The following IGF1R variants were observed in gnomAD, a reference collection of about 807,000 sequenced individuals.
IGF1R encodes the protein insulin like growth factor 1 receptor.
Under a neutral mutation model 144.6 loss-of-function variants are expected in IGF1R, and 44 were observed. The ratio of observed to expected loss-of-function variants is 0.30; its 90% CI spans 0.24 to 0.39. IGF1R has a LOEUF of 0.39. Among genes scored for constraint, IGF1R ranks in the 10% least tolerant of loss-of-function variants. IGF1R has a pLI of 1.00. For missense variants in IGF1R, 1,355 were observed against 1,833.7 expected (o/e 0.74, Z 4.77); for synonymous variants, 795 against 722.8 (o/e 1.10, Z -1.60).
chr15:98,890,763 C>A, intron 2 of IGF1R: 1 of 162,420 alleles, frequency 6.2e-6, no homozygotes, highest in Non-Finnish European at 1.4e-5. Context: ...GAGGTAAAAC[C>A]TTTGATATCT....
intron 1 of IGF1R, chr15:98,660,763 C>T (rs2052580582): frequency 6.6e-6 from 1 of 152,190 alleles, no homozygotes; most frequent in Non-Finnish European, 1.5e-5. Context: ...GTGTCAAGAT[C>T]ACCTCATCCC....
intron 1 of IGF1R, among the ~76,000 whole-genome samples, chr15:98,661,552 C>T (rs1462416764): frequency 1.3e-5 from 2 of 152,156 alleles, no homozygotes; most frequent in Non-Finnish European, 2.9e-5. Context: ...AATGCTGAAC[C>T]GGCTGGATGT....
At chr15:98,843,670 C>G (rs1208412272) in intron 2 of IGF1R, among the ~76,000 whole-genome samples, 1 of 152,116 alleles carries the variant, frequency 6.6e-6, no homozygotes. Context: ...AGAAGAAAAA[C>G]TCACCCATTT....
At chr15:98,842,734 C>T (rs556028690) in intron 2 of IGF1R, among the ~76,000 whole-genome samples, 1 of 152,278 alleles carries the variant, frequency 6.6e-6, no homozygotes, top group African/African-American at 2.4e-5. Flanking sequence ...CTTTAAAGAA[C>T]AATTTTGACA....
rs1412467884 is a variant in IGF1R, at chr15:98,962,191, AG to A, written c.*4752del. ...CTTAGCTGTCACGTTGGCTCCTTCCAGGGTGGCCAGACGGTGTTGGCCACTC... is the reference window on the plus strand; with the variant it reads ...CTTAGCTGTCACGTTGGCTCCTTCCAGGTGGCCAGACGGTGTTGGCCACTC... On this transcript the variant is annotated 3_prime_UTR_variant, in exon 21 of 21. Transcript: ENST00000650285. The A allele has an allele frequency of 4.3e-6, 1 of 233,360 alleles. No individual in the cohort carries two copies. The highest frequency in any genetic ancestry group is 8.5e-6 in the Non-Finnish European group (1 of 118,078). The allele number at this position is 233,360 out of a possible 1,614,324, so 14.5% of individuals were successfully genotyped here. A position where few individuals can be genotyped will look rare whatever the true frequency, so the allele number is the denominator to read the frequency against.
intron 2 of IGF1R, among the ~76,000 whole-genome samples, chr15:98,830,253 T>C (rs2056975583): frequency 6.6e-6 from 1 of 152,234 alleles, no homozygotes; most frequent in Non-Finnish European, 1.5e-5. Flanking sequence ...AGAACTCATC[T>C]CCTTTATGGC....
At chr15:98,708,844 C>T (rs985528618) in intron 2 of IGF1R, among the ~76,000 whole-genome samples, 4 of 152,136 alleles carry the variant, frequency 2.6e-5, no homozygotes, top group South Asian at 2.1e-4. Context: ...TAAGATTTCA[C>T]GAGTGAAGGA....
intron 2 of IGF1R, among the ~76,000 whole-genome samples, chr15:98,877,036 A>T (rs531125268): frequency 4.4e-4 from 67 of 152,354 alleles, no homozygotes; most frequent in African/African-American, 1.6e-3. Flanking sequence ...GCCATCAGAA[A>T]GTAACCAGAT....
chr15:98,882,323 A>G (rs1358130274), intron 2 of IGF1R, among the ~76,000 whole-genome samples: 1 of 152,232 alleles, frequency 6.6e-6, no homozygotes, highest in Non-Finnish European at 1.5e-5. Context: ...CGCATTTTTA[A>G]TATGTGTATG....
intron 20 of IGF1R, among the ~76,000 whole-genome samples, chr15:98,955,101 A>G (rs1183810428): frequency 1.3e-5 from 2 of 152,056 alleles, no homozygotes; most frequent in Non-Finnish European, 2.9e-5. Flanking sequence ...CTGTTCCCTC[A>G]TCTGTAACAT....
At chr15:98,663,091 C>A (rs2052638613) in intron 1 of IGF1R, among the ~76,000 whole-genome samples, 1 of 152,154 alleles carries the variant, frequency 6.6e-6, no homozygotes, top group Admixed American at 6.5e-5. Context: ...GGAGGGAAGT[C>A]TTGTCTCTAG....
At position 98,899,507 on chromosome 15, in the gene IGF1R, T is replaced by C; in HGVS notation, c.1133T>C (p.Met378Thr). The C allele has an allele frequency of 6.2e-7, 1 of 1,614,170 alleles. No individual in the cohort carries two copies. The highest frequency in any genetic ancestry group is 8.5e-7 in the Non-Finnish European group (1 of 1,180,000). ...NNIASELENF[M>T]GLIEVVTGYV... The stretch of plus-strand genomic sequence containing the variant: ...ATTGCTTCAGAGCTGGAGAACTTCA[T>C]GGGGCTCATCGAGGTGGTGACGGGC... The change falls in exon 5 of 21, where the codon ATG becomes ACG. Residue 378 changes from methionine (M) to threonine (T), a missense_variant. Physicochemically the swap from Met to Thr is moderately conservative, Grantham distance 81. Around this residue, in one of 7 missense-constraint regions of IGF1R, gnomAD observed 880 missense variants for 1,202.7 expected, o/e 0.73. Transcript: ENST00000650285.
chr15:98,961,369 G>A lies in IGF1R; in HGVS notation c.*3927G>A, dbSNP rs895094138. On this transcript the variant is annotated 3_prime_UTR_variant, in exon 21 of 21. Coordinates refer to ENST00000650285, the MANE Select transcript of IGF1R (RefSeq NM_000875.5). ...TTAAGTAGAAAACACTAACAGTGTA[G>A]TGCCCATCATAGCAAATGCTTCAGA... The A allele has an allele frequency of 5.1e-5, 12 of 233,502 alleles. No homozygotes were observed. The highest frequency in any genetic ancestry group is 6.0e-5 in the East Asian group (1 of 16,568). The allele number at this position is 233,502 out of a possible 1,614,324, so 14.5% of individuals were successfully genotyped here.
At chr15:98,818,580 AG>A (rs1221617377) in intron 2 of IGF1R, among the ~76,000 whole-genome samples, 1 of 117,036 alleles carries the variant, frequency 8.5e-6, no homozygotes, top group Non-Finnish European at 1.8e-5. Flanking sequence ...GGGGAGTGGC[AG>A]GGCGGGGGGT....
chr15:98,842,121 G>C (rs2011184509), intron 2 of IGF1R, among the ~76,000 whole-genome samples: 1 of 152,214 alleles, frequency 6.6e-6, no homozygotes, highest in African/African-American at 2.4e-5. Flanking sequence ...GAAAGTTCCA[G>C]AACAGACCCC....
At chr15:98,699,305 TG>T (rs1460067702) in intron 1 of IGF1R, among the ~76,000 whole-genome samples, 3 of 152,148 alleles carry the variant, frequency 2.0e-5, no homozygotes, top group Non-Finnish European at 4.4e-5. Context: ...GAAGGCCTCA[TG>T]GTGAGGCAAA....
Position 98,957,449 on chromosome 15 carries a change from G to A in IGF1R, c.*7G>A. 6.2e-7 allele frequency: 1 copy of A among 1,612,820 alleles called. No individual in the cohort carries two copies. Among genetic ancestry groups the A allele is most frequent in the African/African-American group, 1.3e-5 (1 of 75,054 alleles). On this transcript the variant is annotated 3_prime_UTR_variant, in exon 21 of 21. Coordinates refer to ENST00000650285, the MANE Select transcript of IGF1R (RefSeq NM_000875.5). Reference sequence around the variant, plus strand: ...CCAGTCTTCGACCTGCTGATCCTTGGATCCTGAATCTGTGCAAACAGTAAC... The same window carrying A: ...CCAGTCTTCGACCTGCTGATCCTTGAATCCTGAATCTGTGCAAACAGTAAC...
intron 2 of IGF1R, among the ~76,000 whole-genome samples, chr15:98,847,160 A>T (rs940170693): frequency 1.3e-5 from 2 of 152,118 alleles, no homozygotes; most frequent in Non-Finnish European, 2.9e-5. Context: ...CATTTTTAGT[A>T]AAGACAGGGT....
At chr15:98,770,738 G>C (rs12101790) in intron 2 of IGF1R, among the ~76,000 whole-genome samples, 27,026 of 151,942 alleles carry the variant, frequency 0.18, 2,593 homozygotes, top group South Asian at 0.31. Context: ...AACAATCACT[G>C]TCTCTCAGGT....
Sources: allele counts gnomAD v4.1 joint callset (sites outside exome capture counted in the v4.1 genomes callset), GRCh38; gene constraint gnomAD v4.1.1; regional missense constraint gnomAD v4.1.1; transcripts MANE v1.5; gene names NCBI Gene and HGNC (gene_info 2026-07-23, HGNC 2026-07-21).